Variants in IQGAP1 observed in about 807,000 individuals in gnomAD.
IQGAP1 encodes IQ motif containing GTPase activating protein 1.
Under a neutral mutation model 215.6 loss-of-function variants are expected in IQGAP1, and 66 were observed. That is an observed-to-expected ratio of 0.31 (90% confidence interval 0.25 to 0.38). The LOEUF (loss-of-function observed/expected upper bound fraction) is 0.38, where lower values mean the gene tolerates loss of function less well. Ranked by LOEUF, IQGAP1 falls within the 10% of genes least tolerant of loss-of-function variation. IQGAP1 has a pLI of 1.00. For synonymous variants in IQGAP1, 772 were observed against 728.7 expected (o/e 1.06, Z -0.96); for missense variants, 1,712 against 1,997.1 (o/e 0.86, Z 2.72).
intron 34 of IQGAP1, among the ~76,000 whole-genome samples, chr15:90,492,300 T>C (rs1966216244): frequency 6.6e-6 from 1 of 151,858 alleles, no homozygotes; most frequent in African/African-American, 2.4e-5. Context: ...TGTGGTGGCA[T>C]GTGCCTGTAA....
Position 90,440,526 on chromosome 15 carries a change from C to T in IQGAP1, c.560C>T (p.Thr187Ile). 2 of 1,566,398 alleles carry T rather than the reference C, an allele frequency of 1.3e-6. No homozygotes were observed. Among genetic ancestry groups the T allele is most frequent in the African/African-American group, 1.3e-5 (1 of 74,482 alleles). Residue 187 changes from threonine to isoleucine, a missense_variant, in exon 7 of 38, where the codon ACT becomes ATT. Around this residue, in one of 2 missense-constraint regions of IQGAP1, gnomAD observed 1,021 missense variants for 1,074.2 expected, o/e 0.95. Transcript: ENST00000268182. ...GAAGAAGAAATCAACAACATGAAGA[C>T]TGAGTTGGAGAAGTATGGCATCCAG... ...FTEEEINNMK[T>I]ELEKYGIQMP...
chr15:90,446,327 T>C (rs148473037), intron 9 of IQGAP1, among the ~76,000 whole-genome samples: 2 of 152,242 alleles, frequency 1.3e-5, no homozygotes, highest in Admixed American at 6.5e-5. Flanking sequence ...ATTATTATTA[T>C]GTAGTCAGAG....
Position 90,426,217 on chromosome 15 carries a change from A to G in IQGAP1, c.263A>G (p.Lys88Arg), listed in dbSNP as rs1275486793. The G allele has an allele frequency of 6.2e-7, 1 of 1,605,092 alleles. No individual in the cohort carries two copies. The highest frequency in any genetic ancestry group is 8.5e-7 in the Non-Finnish European group (1 of 1,177,370). ...AAACTGGGGAACTTCTTCTCTCCCA[A>G]AGTAGTGTCCCTGAAAAAAATCTAT... Reference protein sequence around the residue: ...LAKLGNFFSPKVVSLKKIYDR... With the variant: ...LAKLGNFFSPRVVSLKKIYDR... Residue 88 changes from lysine (K) to arginine (R), a missense_variant, in exon 3 of 38, where the codon AAA (lysine) becomes AGA (arginine). By Grantham distance (26) the Lys-to-Arg change is conservative (BLOSUM62 2). This residue lies in a region of IQGAP1 where 1,021 missense variants were observed against 1,074.2 expected (regional missense o/e 0.95). Transcript: ENST00000268182.
intron 15 of IQGAP1, among the ~76,000 whole-genome samples, chr15:90,462,321 G>A (rs1421646737): frequency 6.6e-6 from 1 of 152,120 alleles, no homozygotes; most frequent in East Asian, 1.9e-4. Context: ...TATTTTGTTT[G>A]GTACATTGTT....
intron 2 of IQGAP1, among the ~76,000 whole-genome samples, chr15:90,401,436 A>G (rs1463680253): frequency 6.6e-6 from 1 of 152,230 alleles, no homozygotes; most frequent in Non-Finnish European, 1.5e-5. Context: ...GAAAGCCAAA[A>G]TAATCCCCCA....
intron 2 of IQGAP1, among the ~76,000 whole-genome samples, chr15:90,392,158 A>G (rs1037540123): frequency 3.9e-5 from 6 of 152,138 alleles, no homozygotes; most frequent in African/African-American, 1.2e-4. Flanking sequence ...TGGGGCAAAC[A>G]CTAACCTGTA....
At chr15:90,457,595 ATT>A (rs34550575) in intron 15 of IQGAP1, among the ~76,000 whole-genome samples, 2 of 131,356 alleles carry the variant, frequency 1.5e-5, no homozygotes, top group Non-Finnish European at 3.2e-5. Flanking sequence ...CCTGGCTAAA[ATT>A]TTTTTTTTTT....
intron 4 of IQGAP1, 118 bp from the exon 5 acceptor site, chr15:90,433,579 TGAATGCCACCGATGTTTTCTAA>T (rs67352281): frequency 0.098 from 55,740 of 566,272 alleles, 3,765 homozygotes; most frequent in Non-Finnish European, 0.13. Flanking sequence ...AGTTATTTGC[TGAATGCCACCGATGTTTTCTAA>T]GAATGCCACC....
intron 33 of IQGAP1, among the ~76,000 whole-genome samples, chr15:90,489,620 CTG>C (rs1350395675): frequency 6.6e-6 from 1 of 152,216 alleles, no homozygotes; most frequent in Non-Finnish European, 1.5e-5. Flanking sequence ...CTATAGGACT[CTG>C]TGATGCCTCT....
chr15:90,491,464 G>A lies in IQGAP1; in HGVS notation c.4380G>A (p.Gln1460=), dbSNP rs759470054. 1.2e-5 allele frequency: 19 copies of A among 1,614,048 alleles called. No homozygotes were observed. The East Asian group carries it at 3.3e-4, about 28-fold the overall frequency. ...LTLQEKKEKI[Q]TGLKKLTELG... ...TTCAAGAGAAGAAAGAGAAGATCCA[G>A]ACAGGTTTAAAGAAGCTAACAGAGC... The change falls in exon 34 of 38, where the codon CAG becomes CAA. Residue 1460 remains glutamine, a synonymous_variant. Transcript: ENST00000268182.
At chr15:90,415,631 T>A (rs1416203464) in intron 2 of IQGAP1, among the ~76,000 whole-genome samples, 1 of 152,224 alleles carries the variant, frequency 6.6e-6, no homozygotes, top group Non-Finnish European at 1.5e-5. Flanking sequence ...TTCAGTCATC[T>A]GTGAGATTTC....
intron 21 of IQGAP1, 26 bp from the exon 22 acceptor site, chr15:90,474,038 G>T (rs746325291): frequency 1.3e-6 from 2 of 1,581,190 alleles, no homozygotes; most frequent in African/African-American, 1.8e-5. Flanking sequence ...GATGAACAGA[G>T]AAATTTCTTC....
chr15:90,460,865 G>C (rs1250602627), intron 15 of IQGAP1, among the ~76,000 whole-genome samples: 1 of 151,798 alleles, frequency 6.6e-6, no homozygotes, highest in Non-Finnish European at 1.5e-5. Flanking sequence ...TGGACACGGT[G>C]GTGTGCACCT....
At chr15:90,418,988 A>G (rs970037860) in intron 2 of IQGAP1, among the ~76,000 whole-genome samples, 2 of 152,150 alleles carry the variant, frequency 1.3e-5, no homozygotes, top group Admixed American at 1.3e-4. Flanking sequence ...TCTACAAAAA[A>G]AGGCAAAAAT....
At chr15:90,408,368 C>T (rs1331669836) in intron 2 of IQGAP1, among the ~76,000 whole-genome samples, 4 of 152,174 alleles carry the variant, frequency 2.6e-5, no homozygotes, top group African/African-American at 4.8e-5. Flanking sequence ...AGGAGTAATA[C>T]GGTCCCTAAG....
chr15:90,488,575 A>G (rs1471650975), intron 33 of IQGAP1, among the ~76,000 whole-genome samples: 2 of 152,208 alleles, frequency 1.3e-5, no homozygotes, highest in Non-Finnish European at 2.9e-5. Context: ...TGTTGGGGAA[A>G]TGTGACATAT....
At chr15:90,455,162 C>T (rs1056684825) in intron 14 of IQGAP1, among the ~76,000 whole-genome samples, 3 of 152,190 alleles carry the variant, frequency 2.0e-5, no homozygotes, top group African/African-American at 4.8e-5. Flanking sequence ...GGCACATTGA[C>T]GTGTATCACC....
At chr15:90,494,527 A>G (rs1966247440) in intron 35 of IQGAP1, 186 bp from the exon 36 acceptor site, 1 of 383,676 alleles carries the variant, frequency 2.6e-6, no homozygotes, top group Non-Finnish European at 4.8e-6. Context: ...ATTTAGTAAT[A>G]TTTCCCCTGT....
intron 28 of IQGAP1, chr15:90,482,596 C>T (rs1175076352): frequency 6.7e-6 from 3 of 447,480 alleles, no homozygotes; most frequent in African/African-American, 4.1e-5. Context: ...GTAGCAGGCA[C>T]AGTTGTTTCT....
Sources: allele counts gnomAD v4.1 joint callset (sites outside exome capture counted in the v4.1 genomes callset), GRCh38; gene constraint gnomAD v4.1.1; regional missense constraint gnomAD v4.1.1; transcripts MANE v1.5; gene names NCBI Gene and HGNC (gene_info 2026-07-23, HGNC 2026-07-21).